Variants in MCF2L observed in about 807,000 individuals in gnomAD.
MCF2L encodes guanine nucleotide exchange factor DBS.
MCF2L carries 97 observed loss-of-function variants against 153.4 expected under a neutral mutation model. That is an observed-to-expected ratio of 0.63 (90% CI 0.54 to 0.75). The LOEUF (loss-of-function observed/expected upper bound fraction) is 0.75. Ranked by LOEUF, MCF2L falls within the 30% of genes least tolerant of loss-of-function variation. The probability of loss-of-function intolerance (pLI) is 0.00; values close to 1 mark genes in which losing one functional copy is unlikely to be tolerated. For synonymous variants in MCF2L, 659 were observed against 632.2 expected (o/e 1.04, Z -0.64); for missense variants, 1,347 against 1,495.2 (o/e 0.90, Z 1.64).
At position 113,025,052 on chromosome 13, in the gene MCF2L, G is replaced by A. The variant is rs370204727; in HGVS notation, c.278+294G>A. 2.4e-4 allele frequency: 49 copies of A among 203,832 alleles called. 2 individuals carry two copies. The highest frequency in any genetic ancestry group is 4.0e-4 in the Non-Finnish European group (44 of 111,100). 12.6% of individuals were successfully genotyped at this position (203,832 alleles called of 1,614,324 possible). On this transcript the variant is annotated intron_variant, in intron 3 of 29. Transcript: ENST00000535094. ...GAGGTTTCATCATGGTGGGGTCCCC[G>A]TGACTGTGGGTCGGGGCAGAGTCCC...
intron 11 of MCF2L, 34 bp downstream of exon 11, chr13:113,075,223 C>T (rs766484371): frequency 5.2e-6 from 8 of 1,549,780 alleles, no homozygotes; most frequent in East Asian, 2.3e-5. Context: ...CACTCCCCCC[C>T]AGCTGCGGAA....
Position 113,090,956 on chromosome 13 carries a change from C to T in MCF2L, c.2953+1228C>T, listed in dbSNP as rs140089556. The T allele has an allele frequency of 1.2e-3, 1,446 of 1,211,276 alleles. 5 individuals carry two copies. The highest frequency in any genetic ancestry group is 4.8e-3 in the Middle Eastern group (14 of 2,930). 75.0% of individuals were successfully genotyped at this position (1,211,276 alleles called of 1,614,324 possible). The stretch of plus-strand genomic sequence containing the variant: ...GCCCCTCCTTCACTGCGCGGCCCCT[C>T]GGCTCCCTGTGTTTTGCTCACAGAA... On this transcript the variant is annotated intron_variant, in intron 26 of 29. Coordinates refer to ENST00000535094, the MANE Select transcript of MCF2L (RefSeq NM_001112732.3).
At chr13:113,051,547 CTG>C (rs970594384) in intron 4 of MCF2L, among the ~76,000 whole-genome samples, 1 of 152,206 alleles carries the variant, frequency 6.6e-6, no homozygotes, top group Non-Finnish European at 1.5e-5. Context: ...CCCTTCTTCA[CTG>C]TGTATTTCCT....
At position 113,087,088 on chromosome 13, in the gene MCF2L, T is replaced by A. The variant is rs1421348320; in HGVS notation, c.2374-147T>A. The A allele has an allele frequency of 6.1e-6, 4 of 653,974 alleles. No homozygotes were observed. The South Asian group carries it at 7.8e-5, about 13-fold the overall frequency. The allele number at this position is 653,974 out of a possible 1,614,324, so 40.5% of individuals were successfully genotyped here. On this transcript the variant is annotated intron_variant, in intron 21 of 29. Coordinates refer to ENST00000535094, the MANE Select transcript of MCF2L (RefSeq NM_001112732.3). ...CCTGGCACCTGCTGACCTGTCAGTCTCCACGAGCTTGCCTTTCCTGGGACG... is the reference window on the plus strand; with the variant it reads ...CCTGGCACCTGCTGACCTGTCAGTCACCACGAGCTTGCCTTTCCTGGGACG...
At chr13:113,096,294 C>A in intron 27 of MCF2L, 77 bp from the exon 28 acceptor site, 1 of 1,167,142 alleles carries the variant, frequency 8.6e-7, no homozygotes, top group Non-Finnish European at 1.2e-6. Flanking sequence ...TAAGGCCCGG[C>A]ACTCCGCCTG....
chr13:113,086,338 G>T (rs550167749), intron 21 of MCF2L, 89 bp downstream of exon 21: 2 of 1,547,896 alleles, frequency 1.3e-6, no homozygotes, highest in Non-Finnish European at 1.7e-6. Context: ...CACGCCCCTC[G>T]CTTTGGTGTG....
At chr13:113,020,650 G>A (rs924336125) in intron 2 of MCF2L, among the ~76,000 whole-genome samples, 12 of 152,186 alleles carry the variant, frequency 7.9e-5, no homozygotes, top group African/African-American at 2.7e-4. Flanking sequence ...ATTCACGGGA[G>A]CCCCACTCCC....
intron 1 of MCF2L, among the ~76,000 whole-genome samples, chr13:112,990,099 C>T (rs901756616): frequency 1.3e-5 from 2 of 152,240 alleles, no homozygotes; most frequent in African/African-American, 4.8e-5. Flanking sequence ...TCACCTGCCG[C>T]TCACTTCCTG....
intron 1 of MCF2L, among the ~76,000 whole-genome samples, chr13:112,970,465 C>T (rs187826923): frequency 3.3e-5 from 5 of 152,164 alleles, no homozygotes; most frequent in African/African-American, 4.8e-5. Context: ...GTATGTGGGT[C>T]GAAAGAAAAC....
At chr13:112,938,811 C>T (rs759346472) in intron 2 of MCF2L, among the ~76,000 whole-genome samples, 9 of 152,230 alleles carry the variant, frequency 5.9e-5, no homozygotes, top group Non-Finnish European at 1.0e-4. Context: ...CCGAGGCAGA[C>T]GCTGTGGCCA....
intron 26 of MCF2L, chr13:113,090,958 G>A (rs930067365): frequency 5.0e-5 from 61 of 1,211,570 alleles, no homozygotes; most frequent in Non-Finnish European, 6.3e-5. Context: ...CGGCCCCTCG[G>A]CTCCCTGTGT....
rs149831789 is a variant in MCF2L, at chr13:112,903,953, C to T, written c.169+1582C>T. ...AGGGCAGGAGTGAGGGGCTACTTAG[C>T]GCGTGCAGACAGCTGGCTGCCCTGA... On this transcript the variant is annotated intron_variant, in intron 2 of 29. Coordinates refer to the MCF2L transcript ENST00000375608. Among the ~76,000 whole-genome samples the T allele has an allele frequency of 6.8e-3, 1,034 of 152,266 alleles. 15 individuals carry two copies. The highest frequency in any genetic ancestry group is 0.022 in the African/African-American group (919 of 41,558).
intron 2 of MCF2L, chr13:112,909,881 T>A (rs1342855653): frequency 1.3e-5 from 2 of 152,510 alleles, no homozygotes; most frequent in East Asian, 3.9e-4. Flanking sequence ...CCTCAAGTGA[T>A]CCGCCCGCCT....
At chr13:112,927,785 T>C (rs2081422750) in intron 2 of MCF2L, among the ~76,000 whole-genome samples, 1 of 152,110 alleles carries the variant, frequency 6.6e-6, no homozygotes, top group Non-Finnish European at 1.5e-5. Flanking sequence ...CAAGGGGGCG[T>C]AATCGACAAA....
chr13:113,048,149 C>T (rs1004480435), intron 4 of MCF2L, among the ~76,000 whole-genome samples: 13 of 152,260 alleles, frequency 8.5e-5, no homozygotes, highest in Non-Finnish European at 7.3e-5. Flanking sequence ...TCTTCAGCTG[C>T]CGAGTGTCCT....
intron 2 of MCF2L, among the ~76,000 whole-genome samples, chr13:113,020,458 A>G (rs1003576861): frequency 6.6e-6 from 1 of 152,242 alleles, no homozygotes; most frequent in Non-Finnish European, 1.5e-5. Context: ...TTGCTGTGAC[A>G]AAGTCCCCTA....
chr13:113,073,807 T>C (rs552079395), intron 9 of MCF2L, among the ~76,000 whole-genome samples: 1 of 151,666 alleles, frequency 6.6e-6, no homozygotes, highest in Admixed American at 6.6e-5. Context: ...CCCAGCTACT[T>C]GGGAGGCTGA....
chr13:113,041,864 C>T (rs896315427), intron 3 of MCF2L, among the ~76,000 whole-genome samples: 3 of 152,208 alleles, frequency 2.0e-5, no homozygotes, highest in African/African-American at 4.8e-5. Flanking sequence ...TAGGAGGCCG[C>T]CAGGGTGGAC....
Position 112,951,211 on chromosome 13 carries a change from G to A in MCF2L, c.169+48840G>A, listed in dbSNP as rs73572902. On this transcript the variant is annotated intron_variant, in intron 2 of 29. Coordinates refer to the MCF2L transcript ENST00000375608. This position sits in a 1 kb window ranked among gnomAD's most constrained non-coding sequence, Gnocchi z 4.8. ...AAAGATAGTGCCAACTTCGAATGCTGGCAGGGATGTGGATAAACTGGGTTA... is the reference window on the plus strand; with the variant it reads ...AAAGATAGTGCCAACTTCGAATGCTAGCAGGGATGTGGATAAACTGGGTTA... 0.015 allele frequency among the ~76,000 whole-genome samples: 2,289 copies of A among 152,294 alleles called. 58 individuals carry two copies. Among genetic ancestry groups the A allele is most frequent in the African/African-American group, 0.044 (1,834 of 41,558 alleles).
Sources: allele counts gnomAD v4.1 joint callset (sites outside exome capture counted in the v4.1 genomes callset), GRCh38; gene constraint gnomAD v4.1.1; non-coding constraint Gnocchi (gnomAD v3.1); transcripts MANE v1.5; gene names NCBI Gene and HGNC (gene_info 2026-07-23, HGNC 2026-07-21).